Variants in PRMT8 observed in about 807,000 individuals in gnomAD.
PRMT8 encodes the protein protein arginine N-methyltransferase 8.
A neutral mutation model predicts 47.1 loss-of-function variants in PRMT8; 7 were observed. The observed-to-expected ratio is 0.15, with a 90% CI of 0.08 to 0.28. PRMT8 has a LOEUF of 0.28. Ranked by LOEUF, PRMT8 falls within the 10% of genes least tolerant of loss-of-function variation. The pLI is 1.00. For missense variants in PRMT8, 237 were observed against 505.4 expected (o/e 0.47, Z 5.09); for synonymous variants, 188 against 186.5 (o/e 1.01, Z -0.07).
At chr12:3,559,791 T>C (rs1252719966) in intron 4 of PRMT8, among the ~76,000 whole-genome samples, 3 of 152,196 alleles carry the variant, frequency 2.0e-5, no homozygotes, top group Non-Finnish European at 4.4e-5. Context: ...CCTCCTCTGC[T>C]TGAGCCGGGC....
At chr12:3,524,191 A>G (rs1343086676) in intron 1 of PRMT8, among the ~76,000 whole-genome samples, 2 of 152,236 alleles carry the variant, frequency 1.3e-5, no homozygotes, top group African/African-American at 2.4e-5. Context: ...TGGTAACTCA[A>G]TAGGAGTTCC....
At chr12:3,413,884 A>G (rs766553692) in intron 1 of PRMT8, among the ~76,000 whole-genome samples, 57 of 152,362 alleles carry the variant, frequency 3.7e-4, no homozygotes, top group Non-Finnish European at 2.9e-4. Context: ...GAAGATGTGT[A>G]TAGGTTATAT....
At chr12:3,425,270 G>C (rs963859964) in intron 1 of PRMT8, among the ~76,000 whole-genome samples, 1 of 152,202 alleles carries the variant, frequency 6.6e-6, no homozygotes, top group African/African-American at 2.4e-5. Flanking sequence ...AGCATGGGGG[G>C]TCTTTATGTT....
At chr12:3,521,305 G>T (rs1386628403) in intron 1 of PRMT8, among the ~76,000 whole-genome samples, 1 of 152,210 alleles carries the variant, frequency 6.6e-6, no homozygotes, top group African/African-American at 2.4e-5. Context: ...CAGGCATGGT[G>T]GCTCATGCTT....
intron 1 of PRMT8, among the ~76,000 whole-genome samples, chr12:3,423,086 G>A (rs149172607): frequency 6.6e-4 from 100 of 152,290 alleles, no homozygotes; most frequent in African/African-American, 1.9e-3. Flanking sequence ...TCCTCCTAGC[G>A]CTGGGAACCA....
intron 2 of PRMT8, among the ~76,000 whole-genome samples, chr12:3,543,050 CAT>C (rs1866259893): frequency 1.3e-5 from 2 of 152,220 alleles, no homozygotes; most frequent in Non-Finnish European, 2.9e-5. Context: ...TATATATAAA[CAT>C]AGTGCGGGCT....
At chr12:3,568,667 G>A in intron 4 of PRMT8, 39 bp from the exon 5 acceptor site, 1 of 1,613,076 alleles carries the variant, frequency 6.2e-7, no homozygotes, top group Non-Finnish European at 8.5e-7. Flanking sequence ...CCTGGGTGGG[G>A]TCCCTGCAAA....
intron 1 of PRMT8, among the ~76,000 whole-genome samples, chr12:3,526,636 T>C (rs1865953426): frequency 6.6e-6 from 1 of 152,202 alleles, no homozygotes; most frequent in Non-Finnish European, 1.5e-5. Flanking sequence ...CAGTTTTTGT[T>C]TCATATATTT....
chr12:3,386,206 C>T (rs1229370551), intron 1 of PRMT8, among the ~76,000 whole-genome samples: 2 of 152,232 alleles, frequency 1.3e-5, no homozygotes, highest in African/African-American at 2.4e-5. Context: ...AGCAATCCTG[C>T]AGCATGGTGT....
intron 1 of PRMT8, among the ~76,000 whole-genome samples, chr12:3,520,038 T>C (rs1865857172): frequency 6.6e-6 from 1 of 152,104 alleles, no homozygotes; most frequent in Non-Finnish European, 1.5e-5. Context: ...TGGGGAAAAG[T>C]CTGCCGAGAC....
chr12:3,518,359 TG>T (rs1285573300), intron 1 of PRMT8, among the ~76,000 whole-genome samples: 1 of 151,722 alleles, frequency 6.6e-6, no homozygotes, highest in Non-Finnish European at 1.5e-5. Flanking sequence ...GAGTTAAATT[TG>T]TGAGTGTACC....
At chr12:3,420,769 T>C (rs1759283591) in intron 1 of PRMT8, among the ~76,000 whole-genome samples, 2 of 152,230 alleles carry the variant, frequency 1.3e-5, no homozygotes, top group Non-Finnish European at 2.9e-5. Context: ...GTAAGTTCCA[T>C]CTGTGCTCTT....
At chr12:3,568,261 G>A (rs1332421339) in intron 4 of PRMT8, among the ~76,000 whole-genome samples, 1 of 152,068 alleles carries the variant, frequency 6.6e-6, no homozygotes, top group East Asian at 1.9e-4. Context: ...GGAATAGGCT[G>A]AGGAGGAGGG....
intron 1 of PRMT8, among the ~76,000 whole-genome samples, chr12:3,420,959 A>G (rs984646399): frequency 1.3e-5 from 2 of 152,240 alleles, no homozygotes; most frequent in African/African-American, 2.4e-5. Context: ...CATCTACTGC[A>G]TGTTTTCAGT....
intron 1 of PRMT8, among the ~76,000 whole-genome samples, chr12:3,470,470 A>G (rs909577123): frequency 1.3e-5 from 2 of 152,140 alleles, no homozygotes; most frequent in African/African-American, 4.8e-5. Context: ...AACCTTCCCC[A>G]GGCTGTCTAC....
chr12:3,540,565 G>A (rs747550791), intron 1 of PRMT8, 41 bp from the exon 2 acceptor site: 23 of 1,381,738 alleles, frequency 1.7e-5, no homozygotes, highest in Non-Finnish European at 2.3e-5. Flanking sequence ...GCGGGACCCC[G>A]TTGTCTCTCC....
rs1474982307 is a variant in PRMT8, at chr12:3,552,061, C to T, written c.418-1590C>T. The T allele has an allele frequency of 6.6e-6, 1 of 152,360 alleles. No individual in the cohort carries two copies. The highest frequency in any genetic ancestry group is 1.5e-5 in the Non-Finnish European group (1 of 68,174). The allele number at this position is 152,360 out of a possible 1,614,324, so 9.4% of individuals were successfully genotyped here. A position where few individuals can be genotyped will look rare whatever the true frequency, so the allele number is the denominator to read the frequency against. On this transcript the variant is annotated intron_variant, in intron 3 of 9. Transcript: ENST00000382622. This position sits in a 1 kb window ranked among gnomAD's most constrained non-coding sequence, Gnocchi z 4.5. ...TGGCCAACATGGCGAAACCCTGTCT[C>T]TACTAAAAATACAAAAATTAGCCGG...
rs560754630 is a variant in PRMT8 at position 3,514,156 on chromosome 12, G to A, written c.75+22456G>A. On this transcript the variant is annotated intron_variant, in intron 1 of 9. Coordinates refer to ENST00000382622, the MANE Select transcript of PRMT8 (RefSeq NM_019854.5). The surrounding 1 kb of genome is among the most constrained non-coding windows in gnomAD (Gnocchi z 5.9). ...CAAAGTCAGGCTGTGAGCCCTGACT[G>A]TTCCATGTGTCAGGCTGCCGTGCAG... Among the ~76,000 whole-genome samples the A allele has an allele frequency of 1.3e-4, 20 of 151,930 alleles. No homozygotes were observed. Among genetic ancestry groups the A allele is most frequent in the Non-Finnish European group, 2.2e-4 (15 of 68,010 alleles).
At chr12:3,414,514 C>T (rs558725035) in intron 1 of PRMT8, among the ~76,000 whole-genome samples, 18 of 152,258 alleles carry the variant, frequency 1.2e-4, no homozygotes, top group African/African-American at 2.6e-4. Context: ...GTGTGGGAAC[C>T]GGAGTGAATG....
Sources: allele counts gnomAD v4.1 joint callset (sites outside exome capture counted in the v4.1 genomes callset), GRCh38; gene constraint gnomAD v4.1.1; non-coding constraint Gnocchi (gnomAD v3.1); transcripts MANE v1.5; gene names NCBI Gene and HGNC (gene_info 2026-07-23, HGNC 2026-07-21).